The following XYLB variants were observed in gnomAD, a reference collection of about 807,000 sequenced individuals.
XYLB encodes the protein xylulose kinase.
Under a neutral mutation model 78.7 loss-of-function variants are expected in XYLB, and 62 were observed. The observed-to-expected ratio is 0.79, with a 90% CI of 0.64 to 0.97. The LOEUF is 0.97. Ranked by LOEUF, XYLB falls within the 50% of genes least tolerant of loss-of-function variation. The pLI is 0.00. For synonymous variants in XYLB, 245 were observed against 247.4 expected (o/e 0.99, Z 0.09); for missense variants, 687 against 676.8 (o/e 1.02, Z -0.17).
At chr3:38,352,138 C>T (rs1317445296) in intron 2 of XYLB, among the ~76,000 whole-genome samples, 2 of 151,862 alleles carry the variant, frequency 1.3e-5, no homozygotes, top group African/African-American at 4.8e-5. Context: ...ATATTGTTAA[C>T]AGGCATTACA....
downstream of XYLB, among the ~76,000 whole-genome samples, chr3:38,421,666 G>A (rs1016049422): frequency 4.6e-5 from 7 of 152,172 alleles, no homozygotes; most frequent in African/African-American, 1.7e-4. Context: ...TTCCACCTTG[G>A]AGCCTTTCCA....
At chr3:38,442,701 G>T in the XYLB span, among the ~76,000 whole-genome samples, 1 of 149,204 alleles carries the variant, frequency 6.7e-6, no homozygotes, top group African/African-American at 2.5e-5. Context: ...TAGAATTGGG[G>T]TGTTGCAGGG....
chr3:38,381,982 A>G (rs1443491902), intron 15 of XYLB, among the ~76,000 whole-genome samples: 1 of 152,032 alleles, frequency 6.6e-6, no homozygotes, highest in Non-Finnish European at 1.5e-5. Flanking sequence ...CCTAATAAAA[A>G]CTTGCTGGTT....
intron 14 of XYLB, 59 bp downstream of exon 14, chr3:38,377,050 C>T: frequency 1.4e-6 from 2 of 1,405,828 alleles, no homozygotes; most frequent in Non-Finnish European, 1.0e-6. Flanking sequence ...TAAAATTTAA[C>T]AATTGCCTAT....
chr3:38,358,346 TG>T lies in XYLB; in HGVS notation c.141-1992del, dbSNP rs1255164796. 2.9e-3 allele frequency among the ~76,000 whole-genome samples: 268 copies of T among 92,838 alleles called. 2 individuals carry two copies. Among genetic ancestry groups the T allele is most frequent in the African/African-American group, 3.7e-3 (107 of 28,798 alleles). 60.9% of individuals were successfully genotyped at this position (92,838 alleles called of 152,430 possible). ...GTGTGTGTGTGTGTGTGTGTGTGTG[TG>T]TGTGTGTGTGTTTGAGACAGAGCCT... On this transcript the variant is annotated intron_variant, in intron 2 of 18. Transcript: ENST00000207870.
chr3:38,347,635 C>A (rs1705140662), intron 1 of XYLB, among the ~76,000 whole-genome samples: 1 of 151,736 alleles, frequency 6.6e-6, no homozygotes, highest in African/African-American at 2.4e-5. Context: ...AAGATGGCGT[C>A]ACCGGTCTCC....
At position 38,354,659 on chromosome 3, in the gene XYLB, C is replaced by T. The variant is rs542950143; in HGVS notation, c.141-5680C>T. Among the ~76,000 whole-genome samples the T allele has an allele frequency of 3.1e-4, 47 of 152,124 alleles. 1 individual carries two copies. In the South Asian group the frequency reaches 9.8e-3, roughly 32 times the overall value. On this transcript the variant is annotated intron_variant, in intron 2 of 18. Coordinates refer to ENST00000207870, the MANE Select transcript of XYLB (RefSeq NM_005108.4). ...CTGGGACTACAGGCACATACCACTA[C>T]ACTTGGCTAATTTTTGAGTTTTTAG...
Position 38,379,317 on chromosome 3 carries a change from C to G in XYLB, c.1266C>G (p.His422Gln), listed in dbSNP as rs761643272. Residue 422 changes from histidine (H) to glutamine (Q), a missense_variant, in exon 15 of 19, where the codon CAC (histidine) becomes CAG (glutamine). Coordinates refer to ENST00000207870, the MANE Select transcript of XYLB (RefSeq NM_005108.4). ...GACAATTCATGGCCAAGAGGATTCA[C>G]GCAGAAGGCCTGGGCTATCGAGTCA... The part of the protein sequence containing the change: ...IEGQFMAKRI[H>Q]AEGLGYRVMS... The G allele has an allele frequency of 6.8e-6, 11 of 1,614,070 alleles. No homozygotes were observed. Among genetic ancestry groups the G allele is most frequent in the Non-Finnish European group, 9.3e-6 (11 of 1,180,016 alleles).
At chr3:38,350,060 T>C (rs546123886) in intron 2 of XYLB, among the ~76,000 whole-genome samples, 1 of 152,328 alleles carries the variant, frequency 6.6e-6, no homozygotes, top group African/African-American at 2.4e-5. Context: ...CGTAACACTG[T>C]GGACTTGCTG....
intron 15 of XYLB, among the ~76,000 whole-genome samples, chr3:38,380,172 T>C (rs1301527367): frequency 2.0e-5 from 3 of 152,116 alleles, no homozygotes; most frequent in African/African-American, 7.2e-5. Context: ...TCCTTAAAGG[T>C]CCCATCTTTC....
downstream of XYLB, among the ~76,000 whole-genome samples, chr3:38,423,996 C>T (rs1460872202): frequency 6.6e-6 from 1 of 152,156 alleles, no homozygotes; most frequent in Non-Finnish European, 1.5e-5. Context: ...TGGATATGAC[C>T]TGCTCTAGGC....
intron 16 of XYLB, among the ~76,000 whole-genome samples, chr3:38,396,131 T>C (rs1707860046): frequency 6.6e-6 from 1 of 152,242 alleles, no homozygotes; most frequent in Non-Finnish European, 1.5e-5. Context: ...CTGTATTAGC[T>C]GTTTGCTTGT....
chr3:38,388,027 C>G (rs1460179732), intron 15 of XYLB, among the ~76,000 whole-genome samples: 1 of 152,070 alleles, frequency 6.6e-6, no homozygotes, highest in African/African-American at 2.4e-5. Flanking sequence ...ACGGTGTTGA[C>G]TAAAGTGGCT....
the XYLB span, among the ~76,000 whole-genome samples, chr3:38,435,514 C>G: frequency 2.6e-5 from 4 of 152,316 alleles, no homozygotes; most frequent in East Asian, 1.9e-4. Flanking sequence ...CAACACCCCA[C>G]TTTCAGCATT....
chr3:38,449,002 G>T, the XYLB span, among the ~76,000 whole-genome samples: 4 of 152,282 alleles, frequency 2.6e-5, no homozygotes, highest in South Asian at 4.1e-4. Context: ...CTTGTATTTT[G>T]ATGTTTTGAG....
chr3:38,347,815 CT>C (rs1230933069), intron 1 of XYLB, among the ~76,000 whole-genome samples: 1 of 152,354 alleles, frequency 6.6e-6, no homozygotes, highest in Non-Finnish European at 1.5e-5. Context: ...TGCCAACGCC[CT>C]GCAGACAGGC....
chr3:38,401,822 A>G (rs1449994500), intron 18 of XYLB, among the ~76,000 whole-genome samples: 1 of 152,126 alleles, frequency 6.6e-6, no homozygotes, highest in African/African-American at 2.4e-5. Context: ...GGCACACCAT[A>G]GCATCCGCCA....
chr3:38,382,496 G>A (rs1707195092), intron 15 of XYLB, among the ~76,000 whole-genome samples: 1 of 152,142 alleles, frequency 6.6e-6, no homozygotes, highest in South Asian at 2.1e-4. Context: ...CAGGATGTGT[G>A]TTCTAGGTCA....
rs1575539553 is a variant in XYLB, at chr3:38,407,415, G to C, written c.1534-5521G>C. Among the ~76,000 whole-genome samples, 6 of 152,350 alleles carry C rather than the reference G, an allele frequency of 3.9e-5. No individual in the cohort carries two copies. The South Asian group carries it at 1.2e-3, about 32-fold the overall frequency. On this transcript the variant is annotated intron_variant, in intron 18 of 18. Coordinates refer to ENST00000207870, the MANE Select transcript of XYLB (RefSeq NM_005108.4). ...ACATGGAAAGGAACAACCTGTACCA[G>C]CCACTGCAAAATCATGCCAAATTGT...
Sources: gnomAD v4.1 joint callset for allele counts (sites outside exome capture counted in the v4.1 genomes callset) on GRCh38, gnomAD v4.1.1 for gene constraint, MANE v1.5 for transcripts, NCBI Gene and HGNC (gene_info 2026-07-23, HGNC 2026-07-21) for gene names.